VWA8: variants seen among roughly 807,000 people sequenced by gnomAD.
The protein encoded by VWA8 is von Willebrand factor A domain-containing protein 8.
Under a neutral mutation model 241.5 loss-of-function variants are expected in VWA8, and 221 were observed. The ratio of observed to expected loss-of-function variants is 0.91; its 90% confidence interval spans 0.82 to 1.02. The LOEUF (loss-of-function observed/expected upper bound fraction) is 1.02. Ranked by LOEUF, VWA8 falls within the 50% of genes least tolerant of loss-of-function variation. The pLI, the probability that VWA8 is intolerant of heterozygous loss-of-function variation, is 0.00. For synonymous variants in VWA8, 852 were observed against 827.1 expected (o/e 1.03, Z -0.52); for missense variants, 2,322 against 2,328.7 (o/e 1.00, Z 0.06).
At chr13:41,807,191 A>G (rs1218094827) in intron 17 of VWA8, among the ~76,000 whole-genome samples, 2 of 152,196 alleles carry the variant, frequency 1.3e-5, no homozygotes, top group Non-Finnish European at 2.9e-5. Context: ...GATTGACACC[A>G]TAACAAAAAG....
chr13:41,853,897 C>T (rs61963095), intron 12 of VWA8, among the ~76,000 whole-genome samples: 16,142 of 152,162 alleles, frequency 0.11, 1,277 homozygotes, highest in East Asian at 0.29. Flanking sequence ...AGTTGAAAAG[C>T]GTGTTGTCCA....
At chr13:41,734,086 TC>T (rs1187914189) in intron 21 of VWA8, among the ~76,000 whole-genome samples, 3 of 152,168 alleles carry the variant, frequency 2.0e-5, no homozygotes, top group African/African-American at 7.2e-5. Context: ...AAGCCTGTAA[TC>T]CCGGCACTTT....
Position 41,878,417 on chromosome 13 carries a change from T to C in VWA8, c.1080+4970A>G, listed in dbSNP as rs141639389. Among the ~76,000 whole-genome samples the C allele has an allele frequency of 1.3e-3, 199 of 148,382 alleles. 2 individuals are homozygous for C. Among genetic ancestry groups the C allele is most frequent in the Non-Finnish European group, 2.4e-3 (159 of 66,220 alleles). ...AAAGAATTATATCAATAAATACTCT[T>C]CCACTCTTTTTTTTTTTTGACTCTT... On this transcript the variant is annotated intron_variant, in intron 9 of 44. Coordinates refer to ENST00000379310, the MANE Select transcript of VWA8 (RefSeq NM_015058.2).
intron 22 of VWA8, among the ~76,000 whole-genome samples, chr13:41,730,342 C>T (rs115461713): frequency 0.011 from 1,649 of 152,180 alleles, 31 homozygotes; most frequent in African/African-American, 0.038. Flanking sequence ...GGTACTGCCT[C>T]ATTAAGTAAT....
intron 29 of VWA8, among the ~76,000 whole-genome samples, chr13:41,698,504 A>G (rs1162999855): frequency 1.3e-5 from 2 of 152,156 alleles, no homozygotes; most frequent in Admixed American, 6.5e-5. Flanking sequence ...TAAATGACGG[A>G]TAGAACTTGA....
At chr13:41,574,031 G>T (rs2044333843) in intron 43 of VWA8, among the ~76,000 whole-genome samples, 1 of 152,196 alleles carries the variant, frequency 6.6e-6, no homozygotes, top group South Asian at 2.1e-4. Flanking sequence ...TAACCCTGCT[G>T]TGAATATTAT....
chr13:41,868,525 T>C, intron 9 of VWA8, 48 bp from the exon 10 acceptor site: 1 of 1,568,796 alleles, frequency 6.4e-7, no homozygotes, highest in Non-Finnish European at 8.7e-7. Flanking sequence ...ATTTTAGCAT[T>C]AACATTGGCT....
At chr13:41,882,106 C>T (rs1465866252) in intron 9 of VWA8, among the ~76,000 whole-genome samples, 2 of 147,520 alleles carry the variant, frequency 1.4e-5, no homozygotes, top group East Asian at 2.1e-4. Flanking sequence ...CGGGCAGAGA[C>T]GCTCCTCACC....
intron 20 of VWA8, among the ~76,000 whole-genome samples, chr13:41,765,073 G>T (rs1262196545): frequency 6.6e-6 from 1 of 151,938 alleles, no homozygotes; most frequent in Non-Finnish European, 1.5e-5. Context: ...CTTAATGAGG[G>T]CCTGGAGTTA....
chr13:41,926,920 T>C lies in VWA8; in HGVS notation c.242-14752A>G. The C allele has an allele frequency of 8.9e-6, 5 of 559,838 alleles. No homozygotes were observed. In the Admixed American group the frequency reaches 1.0e-4, roughly 11 times the overall value. 34.7% of individuals were successfully genotyped at this position (559,838 alleles called of 1,614,324 possible). A position where few individuals can be genotyped will look rare whatever the true frequency, so the allele number is the denominator to read the frequency against. On this transcript the variant is annotated intron_variant, in intron 2 of 44. Coordinates refer to ENST00000379310, the MANE Select transcript of VWA8 (RefSeq NM_015058.2). ...ACCACAGCCAGGCTCCTTGACAAGC[T>C]TGTAGGGGAGTTCCTGGAAATGATT...
intron 37 of VWA8, among the ~76,000 whole-genome samples, chr13:41,659,196 C>A (rs2139693657): frequency 6.6e-6 from 1 of 152,290 alleles, no homozygotes; most frequent in Non-Finnish European, 1.5e-5. Flanking sequence ...AAATGCAGTT[C>A]TTTTCCTACC....
intron 21 of VWA8, among the ~76,000 whole-genome samples, chr13:41,739,181 C>T (rs9594624): frequency 0.26 from 39,412 of 152,070 alleles, 5,833 homozygotes; most frequent in Non-Finnish European, 0.33. Flanking sequence ...CTTAAGGGAA[C>T]TTATCTTACC....
Position 41,960,433 on chromosome 13 carries a change from C to A in VWA8, c.163+420G>T, listed in dbSNP as rs78659676. Among the ~76,000 whole-genome samples the A allele has an allele frequency of 1.6e-3, 237 of 152,352 alleles. 2 individuals carry two copies. Among genetic ancestry groups the A allele is most frequent in the African/African-American group, 5.2e-3 (218 of 41,576 alleles). ...CCTTCTAAGCCGCCACAAGCCCTGG[C>A]TAGAACATGACACAGACCGGCTTCC... On this transcript the variant is annotated intron_variant, in intron 1 of 44. Transcript: ENST00000379310.
chr13:41,891,537 CA>C lies in VWA8; in HGVS notation c.533del (p.Leu178TrpfsTer12). ...TEGRTLILEG[L>X]EKAERNVLPV... ...GCAAAACATTCCTCTCTGCCTTTTC[CA>C]AACCTTCCAAAATGAGAGTTCTGCC... On this transcript the variant is annotated frameshift_variant, in exon 5 of 45. Coordinates refer to ENST00000379310, the MANE Select transcript of VWA8 (RefSeq NM_015058.2). LOFTEE classifies it high-confidence loss of function. 1 of 1,614,174 alleles carries C rather than the reference CA, an allele frequency of 6.2e-7. No homozygotes were observed. Among genetic ancestry groups the C allele is most frequent in the Non-Finnish European group, 8.5e-7 (1 of 1,180,020 alleles).
chr13:41,688,015 A>C (rs2045148477), intron 34 of VWA8, among the ~76,000 whole-genome samples: 1 of 152,146 alleles, frequency 6.6e-6, no homozygotes, highest in Non-Finnish European at 1.5e-5. Flanking sequence ...AAATAGTTTT[A>C]TCTCCAGAAA....
At chr13:41,672,430 C>T (rs17062479) in intron 36 of VWA8, among the ~76,000 whole-genome samples, 7,414 of 152,112 alleles carry the variant, frequency 0.049, 573 homozygotes, top group African/African-American at 0.17. Flanking sequence ...TTCCTATTGT[C>T]AGTGTTGGCT....
rs901119213 is a variant in VWA8 at position 41,819,298 on chromosome 13, G to A, written c.1789C>T (p.Pro597Ser). 8 of 1,613,212 alleles carry A rather than the reference G, an allele frequency of 5.0e-6. No individual in the cohort carries two copies. The African/African-American group carries it at 9.4e-5, about 19-fold the overall frequency. The change falls in exon 15 of 45, where the codon CCA becomes TCA. Residue 597 changes from proline (P) to serine (S), a missense_variant. Physicochemically the swap from Pro to Ser is moderately conservative, Grantham distance 74 (BLOSUM62 -1). Coordinates refer to ENST00000379310, the MANE Select transcript of VWA8 (RefSeq NM_015058.2). ...AAAAAGAACATGGTTAAGAATTCTG[G>A]TCCCAGCCACTGGTGTGCTGTGCTT... ...IGSTAHQWLG[P>S]EFLTMFFFHY...
intron 21 of VWA8, among the ~76,000 whole-genome samples, chr13:41,737,129 T>G (rs1342646220): frequency 6.6e-6 from 1 of 152,162 alleles, no homozygotes; most frequent in African/African-American, 2.4e-5. Context: ...CATGCCCAGC[T>G]GCTCAACATT....
chr13:41,622,203 G>T (rs2139667986), intron 37 of VWA8, among the ~76,000 whole-genome samples: 1 of 152,258 alleles, frequency 6.6e-6, no homozygotes, highest in South Asian at 2.1e-4. Context: ...AATTGACAAT[G>T]ATTCATAAAA....
Sources: allele counts gnomAD v4.1 joint callset (sites outside exome capture counted in the v4.1 genomes callset), GRCh38; gene constraint gnomAD v4.1.1; transcripts MANE v1.5; gene names NCBI Gene and HGNC (gene_info 2026-07-23, HGNC 2026-07-21).